The following EGF variants were observed in gnomAD, a reference collection of about 807,000 sequenced individuals.
The protein encoded by EGF is epidermal growth factor.
Under a neutral mutation model 143.8 loss-of-function variants are expected in EGF, and 95 were observed. The ratio of observed to expected loss-of-function variants is 0.66; its 90% confidence interval spans 0.56 to 0.78. EGF has a LOEUF of 0.78. Among genes scored for constraint, EGF ranks in the 30% least tolerant of loss-of-function variants. The probability of loss-of-function intolerance (pLI) is 0.00; values close to 1 mark genes in which losing one functional copy is unlikely to be tolerated. For synonymous variants in EGF, 510 were observed against 510.5 expected (o/e 1.00, Z 0.01); for missense variants, 1,320 against 1,470.9 (o/e 0.90, Z 1.68).
chr4:109,947,449 A>C (rs1050888048), intron 5 of EGF, among the ~76,000 whole-genome samples: 1 of 152,062 alleles, frequency 6.6e-6, no homozygotes, highest in African/African-American at 2.4e-5. Context: ...ATCTCACTTG[A>C]ATTCACAAAG....
At chr4:110,003,838 G>A (rs1752889551) in intron 21 of EGF, among the ~76,000 whole-genome samples, 1 of 152,100 alleles carries the variant, frequency 6.6e-6, no homozygotes, top group Admixed American at 6.6e-5. Flanking sequence ...TCTTATCTTG[G>A]GTCATCCACT....
At chr4:109,944,626 A>G (rs1170783074) in intron 4 of EGF, among the ~76,000 whole-genome samples, 5 of 152,252 alleles carry the variant, frequency 3.3e-5, no homozygotes, top group Non-Finnish European at 5.9e-5. Flanking sequence ...AGTATTTGGC[A>G]CATAATAAGT....
At chr4:109,982,459 C>T (rs1403766673) in intron 15 of EGF, among the ~76,000 whole-genome samples, 1 of 152,052 alleles carries the variant, frequency 6.6e-6, no homozygotes, top group Admixed American at 6.6e-5. Flanking sequence ...TCCCGAGTAG[C>T]TGGGATTACA....
intron 8 of EGF, 131 bp downstream of exon 8, chr4:109,962,116 A>G: frequency 6.9e-7 from 1 of 1,449,528 alleles, no homozygotes; most frequent in Admixed American, 1.8e-5. Flanking sequence ...ATATTGTTAC[A>G]ACAGATTAAC....
rs1560781799 is a variant in EGF, at chr4:110,011,390, TCA to T, written c.3560_3561del (p.Ser1187CysfsTer2). The T allele has an allele frequency of 6.2e-7, 1 of 1,614,088 alleles. No homozygotes were observed. Among genetic ancestry groups the T allele is most frequent in the East Asian group, 2.2e-5 (1 of 44,886 alleles). On this transcript the variant is annotated frameshift_variant, in exon 24 of 24. Coordinates refer to ENST00000265171, the MANE Select transcript of EGF (RefSeq NM_001963.6). LOFTEE classifies it low-confidence loss of function (END_TRUNC). Reference sequence around the variant, plus strand: ...TGTCGAGAAGCCCCATTCTCTCCTATCAGCTAACCCATTATGGCAACAAAGGG... The same window carrying T: ...TGTCGAGAAGCCCCATTCTCTCCTATGCTAACCCATTATGGCAACAAAGGG... ...GGVEKPHSLL[S>X]ANPLWQQRAL...
Position 110,012,456 on chromosome 4 carries a change from C to G in EGF, c.*1001C>G, listed in dbSNP as rs765122805. On this transcript the variant is annotated 3_prime_UTR_variant, in exon 24 of 24. Transcript: ENST00000265171. ...TGGCACAATCATAGCTCAGTGCAGCCTCAAACTCCTGGGCTCAAGCAATCC... is the reference window on the plus strand; with the variant it reads ...TGGCACAATCATAGCTCAGTGCAGCGTCAAACTCCTGGGCTCAAGCAATCC... Among the ~76,000 whole-genome samples the G allele has an allele frequency of 2.6e-5, 4 of 151,914 alleles. No individual in the cohort carries two copies. Among genetic ancestry groups the G allele is most frequent in the Non-Finnish European group, 5.9e-5 (4 of 67,984 alleles).
At chr4:110,007,369 C>A (rs554661050) in intron 22 of EGF, among the ~76,000 whole-genome samples, 19 of 152,178 alleles carry the variant, frequency 1.2e-4, no homozygotes, top group Non-Finnish European at 2.8e-4. Context: ...GCAGTCCTTG[C>A]ACTAGTTACT....
At chr4:109,995,558 C>G (rs1217853123) in intron 20 of EGF, among the ~76,000 whole-genome samples, 5 of 152,328 alleles carry the variant, frequency 3.3e-5, no homozygotes, top group African/African-American at 1.2e-4. Flanking sequence ...AAAACCTTTC[C>G]TGTGGACCCT....
intron 7 of EGF, among the ~76,000 whole-genome samples, chr4:109,961,287 G>A (rs1745652801): frequency 1.3e-5 from 2 of 152,096 alleles, no homozygotes; most frequent in Admixed American, 6.6e-5. Context: ...ACCAGGAGGA[G>A]GAGGCTGCAG....
At chr4:109,981,034 A>C in intron 15 of EGF, 59 bp downstream of exon 15, 1 of 1,599,732 alleles carries the variant, frequency 6.3e-7, no homozygotes, top group Non-Finnish European at 8.6e-7. Context: ...ACAGCTGTAC[A>C]TCAATCTTTA....
At chr4:109,980,655 G>A in intron 14 of EGF, 171 bp from the exon 15 acceptor site, 1 of 728,204 alleles carries the variant, frequency 1.4e-6, no homozygotes. Context: ...TAGAATCAGT[G>A]GCTCCTTGGG....
chr4:109,948,875 G>C (rs1269320481), intron 5 of EGF, among the ~76,000 whole-genome samples: 1 of 152,168 alleles, frequency 6.6e-6, no homozygotes, highest in East Asian at 1.9e-4. Flanking sequence ...TGGTGATCTG[G>C]AAAGTGGTAC....
At chr4:109,974,476 T>G (rs1207995152) in intron 11 of EGF, among the ~76,000 whole-genome samples, 1 of 152,176 alleles carries the variant, frequency 6.6e-6, no homozygotes, top group African/African-American at 2.4e-5. Context: ...GAATAAATAT[T>G]GGGATGCTAA....
At chr4:109,919,856 A>G (rs1486932490) in intron 1 of EGF, among the ~76,000 whole-genome samples, 1 of 151,646 alleles carries the variant, frequency 6.6e-6, no homozygotes, top group Non-Finnish European at 1.5e-5. Flanking sequence ...ATTTCACTAT[A>G]AAAAAGAAAT....
intron 21 of EGF, among the ~76,000 whole-genome samples, chr4:110,002,301 G>A (rs1752669218): frequency 6.6e-6 from 1 of 152,162 alleles, no homozygotes; most frequent in South Asian, 2.1e-4. Context: ...AAACCAACCT[G>A]GGCACCATGG....
chr4:109,937,883 T>C (rs564626628), intron 1 of EGF, among the ~76,000 whole-genome samples: 83 of 152,366 alleles, frequency 5.4e-4, no homozygotes, highest in African/African-American at 1.9e-3. Context: ...AGAGATCTGC[T>C]GTTAGTCTGA....
At chr4:109,999,121 G>A (rs961471101) in intron 20 of EGF, among the ~76,000 whole-genome samples, 4 of 152,012 alleles carry the variant, frequency 2.6e-5, no homozygotes, top group South Asian at 2.1e-4. Context: ...CTGTATGTAT[G>A]TTGTACTGGG....
intron 1 of EGF, among the ~76,000 whole-genome samples, chr4:109,932,863 A>T (rs1740036685): frequency 6.6e-6 from 1 of 152,134 alleles, no homozygotes; most frequent in Non-Finnish European, 1.5e-5. Flanking sequence ...CCCACGAATT[A>T]GTAGCTATGA....
chr4:109,918,475 C>G (rs1201415089), intron 1 of EGF, among the ~76,000 whole-genome samples: 1 of 152,058 alleles, frequency 6.6e-6, no homozygotes, highest in East Asian at 1.9e-4. Flanking sequence ...ATTAAAGTGA[C>G]CTGCACCTCT....
Sources: allele counts gnomAD v4.1 joint callset (sites outside exome capture counted in the v4.1 genomes callset), GRCh38; gene constraint gnomAD v4.1.1; transcripts MANE v1.5; gene names NCBI Gene and HGNC (gene_info 2026-07-23, HGNC 2026-07-21).